The following LIPC variants were observed in gnomAD, a reference collection of about 807,000 sequenced individuals.
LIPC encodes the protein hepatic triacylglycerol lipase.
In LIPC, 44 loss-of-function variants were observed where a neutral mutation model predicts 50.7. The ratio of observed to expected loss-of-function variants is 0.87; its 90% confidence interval spans 0.68 to 1.11. The LOEUF (loss-of-function observed/expected upper bound fraction) is 1.11, where lower values mean the gene tolerates loss of function less well. Among genes scored for constraint, LIPC ranks in the 50% most tolerant of loss-of-function variants. The pLI, the probability that LIPC is intolerant of heterozygous loss-of-function variation, is 0.00. For synonymous variants in LIPC, 271 were observed against 256.4 expected (o/e 1.06, Z -0.54); for missense variants, 697 against 648.2 (o/e 1.08, Z -0.82).
In LIPC at chr15:58,567,208, A is replaced by AAAG. The variant is rs1566954905; in HGVS notation, c.1389-1508_1389-1507insAAG. On this transcript the variant is annotated intron_variant, in intron 8 of 8. Transcript: ENST00000299022. ...AGAGCGAGACTCCGTCTCAAAAAAA[A>AAAG]TAAAAAATATATATATATATATGTA... 6.2e-5 allele frequency among the ~76,000 whole-genome samples: 7 copies of AAAG among 113,470 alleles called. 1 individual carries two copies. The highest frequency in any genetic ancestry group is 2.4e-4 in the African/African-American group (7 of 29,636). The allele number at this position is 113,470 out of a possible 152,430, so 74.4% of individuals were successfully genotyped here.
intron 1 of LIPC, among the ~76,000 whole-genome samples, chr15:58,476,971 C>A (rs970546391): frequency 8.5e-5 from 13 of 152,234 alleles, no homozygotes; most frequent in African/African-American, 2.9e-4. Flanking sequence ...TCAAATCAAA[C>A]AACCTGGTCT....
At chr15:58,564,589 T>C (rs1389019499) in intron 8 of LIPC, among the ~76,000 whole-genome samples, 1 of 151,766 alleles carries the variant, frequency 6.6e-6, no homozygotes, top group African/African-American at 2.4e-5. Flanking sequence ...TAGCTGGGCG[T>C]GGTGGCGCAC....
chr15:58,533,175 C>A, intron 1 of LIPC: 1 of 985,266 alleles, frequency 1.0e-6, no homozygotes, highest in Non-Finnish European at 1.2e-6. Context: ...GAGAAAAGCT[C>A]CAGTTTCAGA....
At position 58,563,547 on chromosome 15, in the gene LIPC, C is replaced by A; in HGVS notation, c.1212C>A (p.Ile404=). 2 of 1,614,194 alleles carry A rather than the reference C, an allele frequency of 1.2e-6. No homozygotes were observed. The highest frequency in any genetic ancestry group is 1.7e-6 in the Non-Finnish European group (2 of 1,180,030). Residue 404 remains isoleucine, a synonymous_variant, in exon 8 of 9, where the codon ATC becomes ATA. Transcript: ENST00000299022. The part of the protein sequence containing the change: ...IASNKTYSFL[I]TLDVDIGELI... ...GTAATAAAACGTATTCCTTTCTTAT[C>A]ACGCTGGATGTGGATATCGGCGAGC...
At position 58,432,042 on chromosome 15, in the gene LIPC, A is replaced by G. The variant is rs926671529; in HGVS notation, c.10A>G (p.Ser4Gly). ...CGGGTGAAACGGAGAAATGGACACA[A>G]GTCCCCTGTGTTTCTCCATTCTGTT... The part of the protein sequence containing the change: MDT[S>G]PLCFSILLVL... The change falls in exon 1 of 9, where the codon AGT becomes GGT. Residue 4 changes from serine to glycine, a missense_variant. Ser to Gly is a moderately conservative substitution (Grantham distance 56). Coordinates refer to ENST00000299022, the MANE Select transcript of LIPC (RefSeq NM_000236.3). 1.2e-6 allele frequency: 2 copies of G among 1,612,742 alleles called. No individual in the cohort carries two copies. Among genetic ancestry groups the G allele is most frequent in the Non-Finnish European group, 1.7e-6 (2 of 1,178,846 alleles).
At chr15:58,540,795 CT>C (rs1893292838) in intron 2 of LIPC, among the ~76,000 whole-genome samples, 1 of 152,064 alleles carries the variant, frequency 6.6e-6, no homozygotes, top group Non-Finnish European at 1.5e-5. Context: ...CACCTGTATT[CT>C]TTTTGTTTCT....
intron 6 of LIPC, among the ~76,000 whole-genome samples, chr15:58,552,717 A>G (rs755649320): frequency 6.6e-6 from 1 of 152,116 alleles, no homozygotes; most frequent in Non-Finnish European, 1.5e-5. Context: ...ACTTCTTTGG[A>G]AGGTTTCCAC....
At chr15:58,529,608 T>C (rs1892898475) in intron 1 of LIPC, among the ~76,000 whole-genome samples, 1 of 152,230 alleles carries the variant, frequency 6.6e-6, no homozygotes. Flanking sequence ...AGAGGCCTTA[T>C]TTGGAGGCAT....
intron 1 of LIPC, among the ~76,000 whole-genome samples, chr15:58,506,391 G>A (rs1006833284): frequency 6.6e-6 from 1 of 152,108 alleles, no homozygotes; most frequent in African/African-American, 2.4e-5. Flanking sequence ...CGACTGAAAG[G>A]GCACCCTCCC....
At chr15:58,494,435 G>C (rs1261684880) in intron 1 of LIPC, among the ~76,000 whole-genome samples, 1 of 152,196 alleles carries the variant, frequency 6.6e-6, no homozygotes, top group East Asian at 1.9e-4. Context: ...CCTTGGGCAG[G>C]TCATCCAACC....
At chr15:58,470,597 C>CTTTTTTTTTTTTT (rs5812936) in intron 1 of LIPC, among the ~76,000 whole-genome samples, 2 of 136,304 alleles carry the variant, frequency 1.5e-5, no homozygotes, top group African/African-American at 5.4e-5. Flanking sequence ...CATTTAACTC[C>CTTTTTTTTTTTTT]TTTTTTTTTT....
chr15:58,464,693 C>A (rs1299938589), intron 1 of LIPC, among the ~76,000 whole-genome samples: 1 of 152,156 alleles, frequency 6.6e-6, no homozygotes, highest in Non-Finnish European at 1.5e-5. Context: ...CACAGGGTGG[C>A]CAGGCATGGT....
Position 58,490,090 on chromosome 15 carries a change from G to C in LIPC, c.89-48243G>C, listed in dbSNP as rs185533289. 3.5e-3 allele frequency among the ~76,000 whole-genome samples: 538 copies of C among 152,322 alleles called. 2 individuals are homozygous for C. Among genetic ancestry groups the C allele is most frequent in the South Asian group, 5.0e-3 (24 of 4,822 alleles). Reference sequence around the variant, plus strand: ...TTTGTTTTTAATCTCAAACCAGTCTGAGACAGGATTTACTATTCAGCACAT... The same window carrying C: ...TTTGTTTTTAATCTCAAACCAGTCTCAGACAGGATTTACTATTCAGCACAT... On this transcript the variant is annotated intron_variant, in intron 1 of 8. Coordinates refer to ENST00000299022, the MANE Select transcript of LIPC (RefSeq NM_000236.3).
At chr15:58,468,815 T>C (rs1443818122) in intron 1 of LIPC, among the ~76,000 whole-genome samples, 1 of 152,146 alleles carries the variant, frequency 6.6e-6, no homozygotes, top group Non-Finnish European at 1.5e-5. Flanking sequence ...CTGGTAATAT[T>C]TTTAATTCAT....
intron 1 of LIPC, chr15:58,454,222 G>T (rs183813131): frequency 6.6e-6 from 1 of 152,236 alleles, no homozygotes; most frequent in Non-Finnish European, 1.5e-5. Flanking sequence ...CAGAGAAATA[G>T]CTTGTCTCCA....
chr15:58,555,020 C>T (rs1206927804), intron 6 of LIPC, among the ~76,000 whole-genome samples: 1 of 152,144 alleles, frequency 6.6e-6, no homozygotes. Context: ...CACCTTGGCA[C>T]GTTCCATCCT....
chr15:58,467,942 A>C (rs987085576), intron 1 of LIPC, among the ~76,000 whole-genome samples: 7 of 152,176 alleles, frequency 4.6e-5, no homozygotes, highest in Non-Finnish European at 7.4e-5. Flanking sequence ...TTCTAACACA[A>C]GGACCGCTCT....
intron 1 of LIPC, among the ~76,000 whole-genome samples, chr15:58,503,361 G>A (rs983297654): frequency 6.6e-6 from 1 of 152,170 alleles, no homozygotes; most frequent in African/African-American, 2.4e-5. Context: ...GGAGGGGGCA[G>A]AGTCCAAGGT....
intron 1 of LIPC, among the ~76,000 whole-genome samples, chr15:58,533,605 A>G (rs1893019739): frequency 6.6e-6 from 1 of 152,206 alleles, no homozygotes; most frequent in Non-Finnish European, 1.5e-5. Context: ...AAATTACGGC[A>G]CTTTTTCCAA....
Sources: allele counts gnomAD v4.1 joint callset (sites outside exome capture counted in the v4.1 genomes callset), GRCh38; gene constraint gnomAD v4.1.1; transcripts MANE v1.5; gene names NCBI Gene and HGNC (gene_info 2026-07-23, HGNC 2026-07-21).